The following JMJD1C variants were observed in gnomAD, a reference collection of about 807,000 sequenced individuals.
JMJD1C encodes the protein jumonji domain-containing protein 1C.
In JMJD1C, 31 loss-of-function variants were observed where a neutral mutation model predicts 245.3. The ratio of observed to expected loss-of-function variants is 0.13; its 90% CI spans 0.09 to 0.17. JMJD1C has a LOEUF of 0.17. Among genes scored for constraint, JMJD1C ranks in the 10% least tolerant of loss-of-function variants. JMJD1C has a pLI of 1.00. For missense variants in JMJD1C, 2,691 were observed against 3,000.2 expected, an observed-to-expected ratio of 0.90 and a Z score of 2.41; for synonymous variants, 1,057 against 1,017.4, an observed-to-expected ratio of 1.04 and a Z score of -0.74.
intron 1 of JMJD1C, among the ~76,000 whole-genome samples, chr10:63,391,216 A>G (rs1418667907): frequency 6.6e-6 from 1 of 152,176 alleles, no homozygotes; most frequent in African/African-American, 2.4e-5. Flanking sequence ...GCTGAGAAAC[A>G]TATCAAGAAG....
chr10:63,193,689 C>G (rs546704459), intron 14 of JMJD1C: 3 of 335,230 alleles, frequency 8.9e-6, no homozygotes, highest in African/African-American at 6.6e-5. Context: ...TTTTTTGAGA[C>G]GGAGTCTTGC....
At chr10:63,446,355 C>T (rs750918044) in intron 1 of JMJD1C, among the ~76,000 whole-genome samples, 3 of 152,030 alleles carry the variant, frequency 2.0e-5, no homozygotes, top group Non-Finnish European at 2.9e-5. Flanking sequence ...AACTCAGCTG[C>T]GGACATATTA....
chr10:63,194,892 T>C (rs940950997), intron 13 of JMJD1C, among the ~76,000 whole-genome samples: 6 of 152,216 alleles, frequency 3.9e-5, no homozygotes, highest in African/African-American at 1.4e-4. Context: ...GTTTCATCCC[T>C]GAAGTTGTAA....
intron 2 of JMJD1C, among the ~76,000 whole-genome samples, chr10:63,354,817 A>G (rs1944677869): frequency 6.6e-6 from 1 of 150,382 alleles, no homozygotes. Flanking sequence ...GAATTCAAGA[A>G]CAGCATGGGC....
At chr10:63,503,263 AGGGGTTTTT>A (rs950610334) in intron 1 of JMJD1C, among the ~76,000 whole-genome samples, 1 of 152,190 alleles carries the variant, frequency 6.6e-6, no homozygotes, top group Non-Finnish European at 1.5e-5. Context: ...TAGGTTTTTT[AGGGGTTTTT>A]GGGGGGGCTT....
intron 3 of JMJD1C, among the ~76,000 whole-genome samples, chr10:63,259,654 C>A (rs967109898): frequency 6.6e-6 from 1 of 152,312 alleles, no homozygotes; most frequent in Admixed American, 6.5e-5. Flanking sequence ...CAATCTGGCA[C>A]AGTCCAGACA....
chr10:63,375,362 T>C (rs974362504), intron 2 of JMJD1C, among the ~76,000 whole-genome samples: 3 of 151,700 alleles, frequency 2.0e-5, no homozygotes, highest in Admixed American at 6.6e-5. Context: ...ATAACAATAA[T>C]GAATAATTTG....
Position 63,305,366 on chromosome 10 carries a change from C to CAAAA in JMJD1C, c.334-40606_334-40603dup, listed in dbSNP as rs758005863. On this transcript the variant is annotated intron_variant, in intron 2 of 25. Transcript: ENST00000399262. Reference sequence around the variant, plus strand: ...CTGGCGACGGAGCAAGACTCCACCTCAAAAAAAAAACAAAAAACAAAAAAG... The same window carrying CAAAA: ...CTGGCGACGGAGCAAGACTCCACCTCAAAAAAAAAAAAAACAAAAAACAAAAAAG... Among the ~76,000 whole-genome samples the CAAAA allele has an allele frequency of 8.6e-4, 92 of 106,574 alleles. 3 individuals are homozygous for CAAAA. The highest frequency in any genetic ancestry group is 2.6e-3 in the Admixed American group (27 of 10,490). The allele number at this position is 106,574 out of a possible 152,430, so 69.9% of individuals were successfully genotyped here. A position where few individuals can be genotyped will look rare whatever the true frequency, so the allele number is the denominator to read the frequency against.
intron 3 of JMJD1C, among the ~76,000 whole-genome samples, chr10:63,233,890 G>C (rs576408808): frequency 7.1e-4 from 108 of 151,512 alleles, no homozygotes; most frequent in Non-Finnish European, 1.5e-3. Context: ...TTTTTATTTT[G>C]CAATGACCAT....
intron 1 of JMJD1C, among the ~76,000 whole-genome samples, chr10:63,493,640 A>C (rs1044198216): frequency 7.9e-5 from 12 of 151,846 alleles, no homozygotes; most frequent in Admixed American, 3.3e-4. Flanking sequence ...GAGCCACCAC[A>C]CCCGGCTAAT....
chr10:63,185,448 T>C (rs1844021062), intron 20 of JMJD1C, 115 bp downstream of exon 20: 1 of 712,346 alleles, frequency 1.4e-6, no homozygotes, highest in Non-Finnish European at 2.5e-6. Flanking sequence ...AGTTATTTAT[T>C]TTTAATTGAG....
chr10:63,360,259 G>C (rs559127101), intron 2 of JMJD1C, among the ~76,000 whole-genome samples: 4 of 152,208 alleles, frequency 2.6e-5, no homozygotes, highest in African/African-American at 9.6e-5. Context: ...TACTTGGGAG[G>C]CTGAGGTAGA....
chr10:63,197,668 C>T (rs1390742940), intron 12 of JMJD1C, 105 bp from the exon 13 acceptor site: 1 of 1,011,548 alleles, frequency 9.9e-7, no homozygotes, highest in Admixed American at 2.9e-5. Context: ...AAACCAAGAA[C>T]TTTCAAGGCT....
intron 2 of JMJD1C, among the ~76,000 whole-genome samples, chr10:63,362,216 C>T (rs1444207039): frequency 7.0e-6 from 1 of 142,122 alleles, no homozygotes; most frequent in African/African-American, 2.6e-5. Flanking sequence ...GCACGCGCAA[C>T]AGAGTGAGAC....
intron 22 of JMJD1C, among the ~76,000 whole-genome samples, chr10:63,179,421 G>GA (rs955647995): frequency 4.8e-5 from 7 of 144,958 alleles, no homozygotes; most frequent in Admixed American, 1.4e-4. Flanking sequence ...AAAAAAAAAA[G>GA]AAAAAAGAAA....
chr10:63,269,069 A>G, intron 2 of JMJD1C: 8 of 985,486 alleles, frequency 8.1e-6, no homozygotes, highest in African/African-American at 1.7e-5. Flanking sequence ...GGGTCAGGAT[A>G]ATTTCTCTCG....
In JMJD1C at chr10:63,293,230, C is replaced by G. The variant is rs368400492; in HGVS notation, c.334-28466G>C. Reference sequence around the variant, plus strand: ...TTTTCTTGGTTTGGTGGTCTCAATGCCACCAAACCTTAACTGAAATAAACC... The same window carrying G: ...TTTTCTTGGTTTGGTGGTCTCAATGGCACCAAACCTTAACTGAAATAAACC... On this transcript the variant is annotated intron_variant, in intron 2 of 25. Coordinates refer to ENST00000399262, the MANE Select transcript of JMJD1C (RefSeq NM_032776.3). Among the ~76,000 whole-genome samples, 4 of 152,238 alleles carry G rather than the reference C, an allele frequency of 2.6e-5. No individual in the cohort carries two copies. The East Asian group carries it at 5.8e-4, about 22-fold the overall frequency.
intron 1 of JMJD1C, among the ~76,000 whole-genome samples, chr10:63,381,628 T>C (rs369379101): frequency 2.0e-5 from 3 of 152,134 alleles, no homozygotes; most frequent in Non-Finnish European, 2.9e-5. Context: ...AGAAAAGAGG[T>C]TGGTTAATGA....
At chr10:63,225,780 CAA>C (rs36089482) in intron 3 of JMJD1C, among the ~76,000 whole-genome samples, 30 of 94,480 alleles carry the variant, frequency 3.2e-4, no homozygotes, top group Admixed American at 4.5e-4. Flanking sequence ...ACTGCATCTC[CAA>C]AAAAAAAAAA....
Sources: gnomAD v4.1 joint callset for allele counts (sites outside exome capture counted in the v4.1 genomes callset) on GRCh38, gnomAD v4.1.1 for gene constraint, MANE v1.5 for transcripts, NCBI Gene and HGNC (gene_info 2026-07-23, HGNC 2026-07-21) for gene names.